Variants in NXPE4 observed in about 807,000 individuals in gnomAD.
NXPE4 encodes neurexophilin and PC-esterase domain family member 4.
NXPE4 carries 42 observed loss-of-function variants against 33.3 expected under a neutral mutation model. The observed-to-expected ratio is 1.26, with a 90% CI of 0.98 to 1.63. The LOEUF is 1.63. Among genes scored for constraint, NXPE4 ranks in the 40% most tolerant of loss-of-function variants. The pLI is 0.00. For missense variants in NXPE4, 709 were observed against 647.6 expected (o/e 1.09, Z -1.03); for synonymous variants, 253 against 234.9 (o/e 1.08, Z -0.71).
chr11:114,640,370 T>G, the NXPE4 span, among the ~76,000 whole-genome samples: 1 of 150,224 alleles, frequency 6.7e-6, no homozygotes, highest in African/African-American at 2.4e-5. Flanking sequence ...ATGCTACTGT[T>G]TCTTTATCCA....
At chr11:114,635,521 G>A in the NXPE4 span, among the ~76,000 whole-genome samples, 1 of 152,000 alleles carries the variant, frequency 6.6e-6, no homozygotes, top group South Asian at 2.1e-4. Flanking sequence ...AGTGGTGAGA[G>A]AGGGCATCCC....
chr11:114,622,663 C>T, the NXPE4 span, among the ~76,000 whole-genome samples: 2 of 151,912 alleles, frequency 1.3e-5, no homozygotes, highest in Non-Finnish European at 2.9e-5. Context: ...CCAGTGTTAC[C>T]CGGTGGATAA....
the NXPE4 span, among the ~76,000 whole-genome samples, chr11:114,671,295 C>T: frequency 1.1e-4 from 17 of 149,736 alleles, no homozygotes; most frequent in Admixed American, 3.4e-4. Context: ...TAGAGAAATA[C>T]GGTACAAATT....
chr11:114,675,541 CAATT>C, the NXPE4 span, among the ~76,000 whole-genome samples: 1 of 151,478 alleles, frequency 6.6e-6, no homozygotes, highest in African/African-American at 2.4e-5. Context: ...ATCAAGAAAA[CAATT>C]TAATTTAATA....
intron 4 of NXPE4, 57 bp from the exon 5 acceptor site, chr11:114,580,395 G>T: frequency 6.8e-7 from 1 of 1,473,692 alleles, no homozygotes; most frequent in Non-Finnish European, 9.5e-7. Flanking sequence ...CCGTCAGTAT[G>T]TATTAAGAGC....
chr11:114,676,876 A>G, the NXPE4 span, among the ~76,000 whole-genome samples: 14,008 of 152,140 alleles, frequency 0.092, 759 homozygotes, highest in Middle Eastern at 0.2. Flanking sequence ...CAACAGATGA[A>G]CTGATAAAGA....
the NXPE4 span, among the ~76,000 whole-genome samples, chr11:114,616,535 T>C: frequency 1.3e-5 from 2 of 149,952 alleles, no homozygotes; most frequent in African/African-American, 5.0e-5. Context: ...TGGGTAACCA[T>C]TGTTACCCAG....
chr11:114,606,701 G>A, the NXPE4 span, among the ~76,000 whole-genome samples: 14 of 152,078 alleles, frequency 9.2e-5, no homozygotes, highest in Admixed American at 2.6e-4. Context: ...TTACCCGGAG[G>A]GTAATAAGGA....
At chr11:114,599,055 G>A (rs1239788914), upstream of NXPE4, among the ~76,000 whole-genome samples, 3 of 152,038 alleles carry the variant, frequency 2.0e-5, no homozygotes, top group Non-Finnish European at 4.4e-5. Flanking sequence ...ATAATTTCCA[G>A]TTTTACATCT....
chr11:114,630,095 C>T, the NXPE4 span, among the ~76,000 whole-genome samples: 1 of 151,644 alleles, frequency 6.6e-6, no homozygotes, highest in Non-Finnish European at 1.5e-5. Context: ...GGCCATACTG[C>T]CCAAGGTAAT....
At chr11:114,622,732 G>C in the NXPE4 span, among the ~76,000 whole-genome samples, 1 of 151,610 alleles carries the variant, frequency 6.6e-6, no homozygotes, top group African/African-American at 2.4e-5. Flanking sequence ...TCCCTCGTGT[G>C]TAACCACTGT....
At chr11:114,619,352 A>C in the NXPE4 span, among the ~76,000 whole-genome samples, 1 of 150,744 alleles carries the variant, frequency 6.6e-6, no homozygotes, top group East Asian at 2.0e-4. Flanking sequence ...AACCACTGTT[A>C]CCCGGTAGAT....
At chr11:114,580,906 G>T (rs1949130154) in intron 4 of NXPE4, among the ~76,000 whole-genome samples, 1 of 152,178 alleles carries the variant, frequency 6.6e-6, no homozygotes, top group African/African-American at 2.4e-5. Flanking sequence ...AGAAGAGTCT[G>T]GGAATCCACA....
the NXPE4 span, among the ~76,000 whole-genome samples, chr11:114,648,112 T>C: frequency 6.6e-6 from 1 of 152,300 alleles, no homozygotes; most frequent in East Asian, 1.9e-4. Context: ...CAAAAACCCT[T>C]AGAATCTCCT....
the NXPE4 span, among the ~76,000 whole-genome samples, chr11:114,619,949 TAA>T: frequency 6.6e-6 from 1 of 151,862 alleles, no homozygotes; most frequent in Non-Finnish European, 1.5e-5. Flanking sequence ...CGGTGGATAA[TAA>T]GTGTTGCCTC....
chr11:114,638,514 G>C, the NXPE4 span, among the ~76,000 whole-genome samples: 561 of 152,132 alleles, frequency 3.7e-3, 6 homozygotes, highest in African/African-American at 0.012. Context: ...GTGAGGAACT[G>C]TGTTCCTTTC....
the NXPE4 span, among the ~76,000 whole-genome samples, chr11:114,604,840 G>C: frequency 6.6e-6 from 1 of 151,846 alleles, no homozygotes; most frequent in African/African-American, 2.4e-5. Flanking sequence ...TTGTTGCATT[G>C]TGGGTATCCA....
At chr11:114,660,582 A>G in the NXPE4 span, among the ~76,000 whole-genome samples, 2 of 152,030 alleles carry the variant, frequency 1.3e-5, no homozygotes, top group Non-Finnish European at 2.9e-5. Flanking sequence ...ATGAAAAGTT[A>G]TGGTAAACTA....
intron 5 of NXPE4, among the ~76,000 whole-genome samples, chr11:114,574,010 C>A (rs1015272628): frequency 6.6e-6 from 1 of 151,996 alleles, no homozygotes; most frequent in African/African-American, 2.4e-5. Flanking sequence ...ATATCAAGTA[C>A]TCTCTCAGAC....
Sources: allele counts gnomAD v4.1 joint callset (sites outside exome capture counted in the v4.1 genomes callset), GRCh38; gene constraint gnomAD v4.1.1; transcripts MANE v1.5; gene names NCBI Gene and HGNC (gene_info 2026-07-23, HGNC 2026-07-21).